The following ZNF804A variants were observed in gnomAD, a reference collection of about 807,000 sequenced individuals.
ZNF804A encodes zinc finger protein 804A.
Under a neutral mutation model 16.5 loss-of-function variants are expected in ZNF804A, and 2 were observed. The ratio of observed to expected loss-of-function variants is 0.12; its 90% CI spans 0.05 to 0.38. The LOEUF (loss-of-function observed/expected upper bound fraction) is 0.38, where lower values mean the gene tolerates loss of function less well. Among genes scored for constraint, ZNF804A ranks in the 10% least tolerant of loss-of-function variants. The pLI is 0.99. For synonymous variants in ZNF804A, 534 were observed against 489.6 expected (o/e 1.09, Z -1.20); for missense variants, 1,473 against 1,390.7 (o/e 1.06, Z -0.94).
intron 1 of ZNF804A, among the ~76,000 whole-genome samples, chr2:184,740,781 C>A (rs1270340380): frequency 6.6e-6 from 1 of 151,904 alleles, no homozygotes; most frequent in African/African-American, 2.4e-5. Flanking sequence ...GGATTTCAAC[C>A]ATAAAGACAG....
At chr2:184,831,765 A>C (rs1197913884) in intron 1 of ZNF804A, among the ~76,000 whole-genome samples, 2 of 151,862 alleles carry the variant, frequency 1.3e-5, no homozygotes, top group South Asian at 2.1e-4. Flanking sequence ...CTACAACAGC[A>C]AAAAACCACT....
At chr2:184,772,280 A>T (rs1055917957) in intron 1 of ZNF804A, among the ~76,000 whole-genome samples, 1 of 150,098 alleles carries the variant, frequency 6.7e-6, no homozygotes, top group African/African-American at 2.4e-5. Context: ...AAAAAAAAAA[A>T]CAATAGCAGT....
rs1272110234 is a variant in ZNF804A, at chr2:184,650,077, C to A, written c.111+51007C>A. Among the ~76,000 whole-genome samples the A allele has an allele frequency of 2.0e-5, 3 of 151,994 alleles. 1 individual carries two copies. The highest frequency in any genetic ancestry group is 2.0e-4 in the Admixed American group (3 of 15,242). Reference sequence around the variant, plus strand: ...AAATCCTCGAGAAAATACTAGCACCCAAATCCAACAGCACATCAAAAAGTT... The same window carrying A: ...AAATCCTCGAGAAAATACTAGCACCAAAATCCAACAGCACATCAAAAAGTT... On this transcript the variant is annotated intron_variant, in intron 1 of 3. Transcript: ENST00000302277.
At chr2:184,774,390 A>G (rs1187541938) in intron 1 of ZNF804A, among the ~76,000 whole-genome samples, 1 of 151,916 alleles carries the variant, frequency 6.6e-6, no homozygotes, top group Non-Finnish European at 1.5e-5. Flanking sequence ...CTTCTTTATT[A>G]CAGAAGAATA....
At position 184,814,023 on chromosome 2, in the gene ZNF804A, G is replaced by GTTTTTTTTTTTTTTT. The variant is rs1231774388; in HGVS notation, c.112-52346_112-52345insTTTTTTTTTTTTTTT. Among the ~76,000 whole-genome samples the GTTTTTTTTTTTTTTT allele has an allele frequency of 4.6e-5, 5 of 109,278 alleles. 1 individual carries two copies. The highest frequency in any genetic ancestry group is 2.2e-4 in the Admixed American group (2 of 9,120). 71.7% of individuals were successfully genotyped at this position (109,278 alleles called of 152,430 possible). ...TTTTTTTTTTTTTTTTTTTTTTTTG[G>GTTTTTTTTTTTTTTT]CTTGTCTACTACTCTGTTCCAAGCA... is the stretch of plus-strand genomic sequence containing the variant. On this transcript the variant is annotated intron_variant, in intron 1 of 3. Coordinates refer to ENST00000302277, the MANE Select transcript of ZNF804A (RefSeq NM_194250.2).
At chr2:184,612,452 G>C (rs1020971137) in intron 1 of ZNF804A, among the ~76,000 whole-genome samples, 132 of 148,830 alleles carry the variant, frequency 8.9e-4, no homozygotes, top group African/African-American at 2.8e-3. Context: ...TTTTTTTTGG[G>C]GGGGGGACGG....
At chr2:184,849,654 G>A (rs1344589804) in intron 1 of ZNF804A, among the ~76,000 whole-genome samples, 1 of 151,998 alleles carries the variant, frequency 6.6e-6, no homozygotes, top group Non-Finnish European at 1.5e-5. Flanking sequence ...AATTAGTACA[G>A]TCACTATGGA....
chr2:184,638,484 T>C (rs1473665881), intron 1 of ZNF804A, among the ~76,000 whole-genome samples: 1 of 152,182 alleles, frequency 6.6e-6, no homozygotes, highest in Non-Finnish European at 1.5e-5. Context: ...GGTCTGTGGG[T>C]ATGTTTTTAT....
chr2:184,815,523 G>A (rs1694970843), intron 1 of ZNF804A, among the ~76,000 whole-genome samples: 1 of 151,528 alleles, frequency 6.6e-6, no homozygotes, highest in African/African-American at 2.4e-5. Flanking sequence ...ATAATATATA[G>A]CTACTTGATT....
intron 1 of ZNF804A, among the ~76,000 whole-genome samples, chr2:184,735,867 G>A (rs1693598835): frequency 6.6e-6 from 1 of 152,220 alleles, no homozygotes; most frequent in South Asian, 2.1e-4. Flanking sequence ...GTGGGAAATG[G>A]TGAAGCAAAA....
intron 1 of ZNF804A, among the ~76,000 whole-genome samples, chr2:184,795,183 T>G (rs1235520811): frequency 2.0e-5 from 3 of 152,120 alleles, no homozygotes; most frequent in Non-Finnish European, 2.9e-5. Flanking sequence ...AAAATGAGCC[T>G]AAATAAATTA....
At chr2:184,685,843 C>T (rs1045260767) in intron 1 of ZNF804A, among the ~76,000 whole-genome samples, 16 of 152,182 alleles carry the variant, frequency 1.1e-4, no homozygotes, top group African/African-American at 3.4e-4. Context: ...AGCCTAGAAA[C>T]CTGTCTACCC....
chr2:184,839,016 A>G (rs1413865966), intron 1 of ZNF804A, among the ~76,000 whole-genome samples: 1 of 152,104 alleles, frequency 6.6e-6, no homozygotes, highest in Non-Finnish European at 1.5e-5. Context: ...CAATGTCCAG[A>G]GAATTGAACA....
At chr2:184,799,516 A>C (rs528563477) in intron 1 of ZNF804A, among the ~76,000 whole-genome samples, 3 of 151,966 alleles carry the variant, frequency 2.0e-5, no homozygotes, top group Non-Finnish European at 4.4e-5. Context: ...ATTAGCAAGT[A>C]TCTTCTACTT....
At chr2:184,832,485 T>C (rs1695278866) in intron 1 of ZNF804A, among the ~76,000 whole-genome samples, 1 of 152,050 alleles carries the variant, frequency 6.6e-6, no homozygotes, top group African/African-American at 2.4e-5. Context: ...GACAAAAATG[T>C]AGATTGTTTA....
rs757133871 is a variant in ZNF804A at position 184,712,761 on chromosome 2, G to C, written c.111+113691G>C. ...TCTTATAATTTCTAATGACCTTCAA[G>C]CTTTCTGGTTCTTTCTTCTGATCAA... On this transcript the variant is annotated intron_variant, in intron 1 of 3. Transcript: ENST00000302277. 2.0e-4 allele frequency among the ~76,000 whole-genome samples: 31 copies of C among 151,366 alleles called. 1 individual carries two copies. Among genetic ancestry groups the C allele is most frequent in the Admixed American group, 1.9e-3 (29 of 15,152 alleles).
At chr2:184,793,551 G>T (rs1453897983) in intron 1 of ZNF804A, among the ~76,000 whole-genome samples, 1 of 152,076 alleles carries the variant, frequency 6.6e-6, no homozygotes, top group East Asian at 1.9e-4. Context: ...TCATATGACT[G>T]TTGGCCATTT....
intron 1 of ZNF804A, among the ~76,000 whole-genome samples, chr2:184,852,229 TTCTCTCTC>T (rs10618125): frequency 2.7e-4 from 37 of 134,748 alleles, no homozygotes; most frequent in East Asian, 6.4e-4. Flanking sequence ...TGCGGTCTCT[TTCTCTCTC>T]TCTCTCTCTC....
intron 2 of ZNF804A, among the ~76,000 whole-genome samples, chr2:184,910,928 C>T (rs1040052856): frequency 6.6e-6 from 1 of 152,010 alleles, no homozygotes; most frequent in African/African-American, 2.4e-5. Flanking sequence ...TGCAGGTTCT[C>T]TGCTTACTTT....
Sources: allele counts gnomAD v4.1 joint callset (sites outside exome capture counted in the v4.1 genomes callset), GRCh38; gene constraint gnomAD v4.1.1; transcripts MANE v1.5; gene names NCBI Gene and HGNC (gene_info 2026-07-23, HGNC 2026-07-21).